The following ASCL5 variants were observed in gnomAD, a reference collection of about 807,000 sequenced individuals.
The protein encoded by ASCL5 is achaete-scute homolog 5.
For synonymous variants in ASCL5, 124 were observed against 131.5 expected, an observed-to-expected ratio of 0.94 and a Z score of 0.39; for missense variants, 262 against 268.9, an observed-to-expected ratio of 0.97 and a Z score of 0.18.
At chr1:201,121,368 AG>A (rs1451391486) in intron 1 of ASCL5, among the ~76,000 whole-genome samples, 1 of 152,182 alleles carries the variant, frequency 6.6e-6, no homozygotes, top group African/African-American at 2.4e-5. Flanking sequence ...GCACTTTCGG[AG>A]GCCGAGGTGG....
In ASCL5 at chr1:201,115,693, T is replaced by C. The variant is rs1354058647; in HGVS notation, c.-321A>G. The C allele has an allele frequency of 5.1e-6, 1 of 195,350 alleles. No individual in the cohort carries two copies. The highest frequency in any genetic ancestry group is 2.3e-5 in the African/African-American group (1 of 43,122). The allele number at this position is 195,350 out of a possible 1,614,324, so 12.1% of individuals were successfully genotyped here. On this transcript the variant is annotated 5_prime_UTR_variant, in exon 2 of 2. Transcript: ENST00000449188. ...TGGCCACAGACCCGCCCACCCTGCC[T>C]CTTGCTGCCACCCAACATGGGCACC... is the stretch of plus-strand genomic sequence containing the variant.
intron 1 of ASCL5, among the ~76,000 whole-genome samples, chr1:201,123,346 C>T (rs924648396): frequency 2.0e-5 from 3 of 152,168 alleles, no homozygotes; most frequent in Non-Finnish European, 2.9e-5. Flanking sequence ...GGGCTGGGGA[C>T]CCAGCAGAGG....
At chr1:201,126,589 T>TATG in intron 1 of ASCL5, among the ~76,000 whole-genome samples, 1 of 152,264 alleles carries the variant, frequency 6.6e-6, no homozygotes, top group Non-Finnish European at 1.5e-5. Flanking sequence ...TCTCACATAG[T>TATG]GCTGTGAGCC....
intron 1 of ASCL5, among the ~76,000 whole-genome samples, chr1:201,119,052 A>G (rs897343764): frequency 6.6e-6 from 1 of 152,232 alleles, no homozygotes; most frequent in African/African-American, 2.4e-5. Context: ...GGATCTTAGT[A>G]AATTATTCCT....
intron 1 of ASCL5, among the ~76,000 whole-genome samples, chr1:201,122,408 G>A (rs149339825): frequency 3.3e-5 from 5 of 152,302 alleles, no homozygotes; most frequent in African/African-American, 7.2e-5. Context: ...GGATGGGCTC[G>A]CGTGGATTAG....
At chr1:201,121,591 G>GA (rs899673287) in intron 1 of ASCL5, among the ~76,000 whole-genome samples, 19 of 151,930 alleles carry the variant, frequency 1.3e-4, no homozygotes, top group Admixed American at 7.2e-4. Flanking sequence ...TCACTAACTT[G>GA]AAAAAAATCT....
intron 1 of ASCL5, among the ~76,000 whole-genome samples, chr1:201,116,151 C>CA (rs1361907713): frequency 1.3e-5 from 2 of 152,012 alleles, no homozygotes; most frequent in Admixed American, 6.5e-5. Context: ...AAAATATATG[C>CA]AAAAAACACC....
At position 201,119,903 on chromosome 1, in the gene ASCL5, C is replaced by T. The variant is rs145918347; in HGVS notation, c.-505-4026G>A. Among the ~76,000 whole-genome samples the T allele has an allele frequency of 2.0e-4, 30 of 152,264 alleles. No homozygotes were observed. The East Asian group carries it at 5.2e-3, about 26-fold the overall frequency. Reference sequence around the variant, plus strand: ...CAATGCTGTCCACCTTTTTAAGGGGCCCTGGTTCCTCTCTGGGACCAGAGC... The same window carrying T: ...CAATGCTGTCCACCTTTTTAAGGGGTCCTGGTTCCTCTCTGGGACCAGAGC... On this transcript the variant is annotated intron_variant, in intron 1 of 1. Transcript: ENST00000449188.
intron 1 of ASCL5, among the ~76,000 whole-genome samples, chr1:201,124,157 GT>G (rs750961985): frequency 3.3e-5 from 5 of 152,356 alleles, no homozygotes; most frequent in Non-Finnish European, 7.3e-5. Flanking sequence ...TATAGACACA[GT>G]GAAGTCATGG....
intron 1 of ASCL5, among the ~76,000 whole-genome samples, chr1:201,121,828 CA>C (rs58564176): frequency 0.062 from 8,869 of 142,268 alleles, 289 homozygotes; most frequent in East Asian, 0.14. Context: ...GACCCTGTCT[CA>C]AAAAAAAAAA....
intron 1 of ASCL5, among the ~76,000 whole-genome samples, chr1:201,122,753 G>C (rs561128863): frequency 2.6e-5 from 4 of 152,150 alleles, no homozygotes; most frequent in Non-Finnish European, 2.9e-5. Context: ...GTTATGGGAA[G>C]ATGTTCCCAG....
At chr1:201,117,151 C>A (rs1663365730) in intron 1 of ASCL5, among the ~76,000 whole-genome samples, 1 of 152,114 alleles carries the variant, frequency 6.6e-6, no homozygotes, top group Non-Finnish European at 1.5e-5. Context: ...AAAAGTGAAA[C>A]CAGGCCGGGC....
At position 201,114,671 on chromosome 1, in the gene ASCL5, A is replaced by T; in HGVS notation, c.*81T>A. On this transcript the variant is annotated 3_prime_UTR_variant, in exon 2 of 2. Transcript: ENST00000449188. ...ACCGTCCTGCGGCGCATCGCGGGTGACCCAACAGCCTCCCGCTGCTCCCGA... is the reference window on the plus strand; with the variant it reads ...ACCGTCCTGCGGCGCATCGCGGGTGTCCCAACAGCCTCCCGCTGCTCCCGA... The T allele has an allele frequency of 8.5e-7, 1 of 1,173,034 alleles. No individual in the cohort carries two copies. The highest frequency in any genetic ancestry group is 1.1e-6 in the Non-Finnish European group (1 of 936,388). 72.7% of individuals were successfully genotyped at this position (1,173,034 alleles called of 1,614,324 possible). A position where few individuals can be genotyped will look rare whatever the true frequency, so the allele number is the denominator to read the frequency against.
At chr1:201,119,466 C>T (rs1459422286) in intron 1 of ASCL5, among the ~76,000 whole-genome samples, 7 of 152,090 alleles carry the variant, frequency 4.6e-5, no homozygotes. Context: ...ATTCGCATCC[C>T]GACCCCACGG....
intron 1 of ASCL5, among the ~76,000 whole-genome samples, chr1:201,119,836 C>T (rs1663413378): frequency 6.6e-6 from 1 of 152,018 alleles, no homozygotes. Flanking sequence ...GTTGAGTGAA[C>T]CCATTGATTG....
chr1:201,122,554 A>C (rs1663503285), intron 1 of ASCL5, among the ~76,000 whole-genome samples: 1 of 152,182 alleles, frequency 6.6e-6, no homozygotes, highest in Non-Finnish European at 1.5e-5. Context: ...AGAGCTGCTC[A>C]GGGTCACACA....
chr1:201,123,201 T>C lies in ASCL5; in HGVS notation c.-506+3883A>G, dbSNP rs1365432672. 2.6e-5 allele frequency among the ~76,000 whole-genome samples: 4 copies of C among 152,284 alleles called. No individual in the cohort carries two copies. In the South Asian group the frequency reaches 6.2e-4, roughly 24 times the overall value. Reference sequence around the variant, plus strand: ...TGCATTAAATGTCCGATTTTTCCCCTCCAATCTTTGAATGAAAAGGGTAAC... The same window carrying C: ...TGCATTAAATGTCCGATTTTTCCCCCCCAATCTTTGAATGAAAAGGGTAAC... On this transcript the variant is annotated intron_variant, in intron 1 of 1. Coordinates refer to ENST00000449188, the MANE Select transcript of ASCL5 (RefSeq NM_001270601.2).
At chr1:201,116,400 G>A (rs1663350876) in intron 1 of ASCL5, among the ~76,000 whole-genome samples, 1 of 152,154 alleles carries the variant, frequency 6.6e-6, no homozygotes, top group Non-Finnish European at 1.5e-5. Context: ...CTGCCTGGCA[G>A]AGACAGTCAT....
chr1:201,124,596 G>A (rs1296605001), intron 1 of ASCL5, among the ~76,000 whole-genome samples: 1 of 152,192 alleles, frequency 6.6e-6, no homozygotes, highest in Non-Finnish European at 1.5e-5. Context: ...AAGTTTGAGG[G>A]TTCCCAAGGA....
Sources: gnomAD v4.1 joint callset for allele counts (sites outside exome capture counted in the v4.1 genomes callset) on GRCh38, gnomAD v4.1.1 for gene constraint, MANE v1.5 for transcripts, NCBI Gene and HGNC (gene_info 2026-07-23, HGNC 2026-07-21) for gene names.